Variants in AP3B1 observed in about 807,000 individuals in gnomAD.
AP3B1 encodes adaptor related protein complex 3 subunit beta 1.
In AP3B1, 61 loss-of-function variants were observed where a neutral mutation model predicts 132.5. That is an observed-to-expected ratio of 0.46 (90% CI 0.37 to 0.57). AP3B1 has a LOEUF of 0.57. Ranked by LOEUF, AP3B1 falls within the 20% of genes least tolerant of loss-of-function variation. The probability of loss-of-function intolerance (pLI) is 0.00; values close to 1 mark genes in which losing one functional copy is unlikely to be tolerated. For synonymous variants in AP3B1, 388 were observed against 438.3 expected, an observed-to-expected ratio of 0.89 and a Z score of 1.43; for missense variants, 1,120 against 1,289.4, an observed-to-expected ratio of 0.87 and a Z score of 2.01.
chr5:78,180,825 T>C (rs568967614), intron 8 of AP3B1, among the ~76,000 whole-genome samples: 2 of 151,990 alleles, frequency 1.3e-5, no homozygotes, highest in Non-Finnish European at 2.9e-5. Flanking sequence ...GTGTTGAGAA[T>C]GTGATGTTTT....
chr5:78,175,307 T>C (rs1023855279), intron 11 of AP3B1, among the ~76,000 whole-genome samples: 5 of 152,186 alleles, frequency 3.3e-5, no homozygotes, highest in African/African-American at 1.2e-4. Flanking sequence ...GTGTCAATCA[T>C]GGTGGGAGCT....
intron 14 of AP3B1, among the ~76,000 whole-genome samples, chr5:78,142,847 C>T (rs1753212376): frequency 1.3e-5 from 2 of 152,064 alleles, no homozygotes; most frequent in African/African-American, 4.8e-5. Flanking sequence ...TGTGATAAAA[C>T]TGATGCCCTT....
intron 17 of AP3B1, among the ~76,000 whole-genome samples, chr5:78,122,645 G>T (rs372895175): frequency 5.9e-5 from 9 of 152,094 alleles, no homozygotes; most frequent in South Asian, 2.1e-4. Context: ...ACAAGGGATG[G>T]GAAGGACCTC....
chr5:78,019,592 T>A (rs1238159998), intron 25 of AP3B1, among the ~76,000 whole-genome samples: 4 of 152,146 alleles, frequency 2.6e-5, no homozygotes, highest in African/African-American at 9.6e-5. Context: ...AATTTTCCTC[T>A]ATAGCAATAA....
intron 26 of AP3B1, among the ~76,000 whole-genome samples, chr5:78,013,749 A>G (rs1746718540): frequency 6.6e-6 from 1 of 152,226 alleles, no homozygotes; most frequent in Admixed American, 6.5e-5. Context: ...TCTTTTCCCT[A>G]TTGAACAACA....
intron 15 of AP3B1, among the ~76,000 whole-genome samples, chr5:78,140,796 T>C (rs760485963): frequency 3.9e-4 from 59 of 152,330 alleles, no homozygotes; most frequent in Non-Finnish European, 7.2e-4. Flanking sequence ...CCTCTTTCTG[T>C]ACAGTAAACC....
At chr5:78,232,677 G>A (rs914612059) in intron 3 of AP3B1, among the ~76,000 whole-genome samples, 2 of 152,112 alleles carry the variant, frequency 1.3e-5, no homozygotes, top group Admixed American at 1.3e-4. Flanking sequence ...GTTCACTGAA[G>A]CCTCATATAG....
intron 26 of AP3B1, among the ~76,000 whole-genome samples, chr5:78,005,504 T>C (rs1014914880): frequency 2.0e-5 from 3 of 152,188 alleles, no homozygotes; most frequent in Admixed American, 1.3e-4. Flanking sequence ...CACAAAAGTC[T>C]CAGTACTATA....
intron 25 of AP3B1, chr5:78,015,923 C>T (rs1446226682): frequency 4.6e-6 from 1 of 219,262 alleles, no homozygotes; most frequent in Non-Finnish European, 9.1e-6. Context: ...GTATTTGTTA[C>T]TATTGCTATT....
intron 26 of AP3B1, among the ~76,000 whole-genome samples, chr5:78,009,302 A>AG (rs1746518463): frequency 6.6e-6 from 1 of 151,712 alleles, no homozygotes; most frequent in Non-Finnish European, 1.5e-5. Context: ...AAAAAAAAAA[A>AG]AAAAAAAATT....
intron 24 of AP3B1, among the ~76,000 whole-genome samples, chr5:78,021,140 T>A (rs1289383948): frequency 1.3e-5 from 2 of 152,002 alleles, no homozygotes; most frequent in Non-Finnish European, 2.9e-5. Flanking sequence ...TTATCTCTAG[T>A]TTGCATACAT....
chr5:78,120,834 C>A (rs1011880601), intron 17 of AP3B1, among the ~76,000 whole-genome samples: 2 of 152,132 alleles, frequency 1.3e-5, no homozygotes, highest in Non-Finnish European at 2.9e-5. Context: ...AGCTCTGCAC[C>A]AAGCAGACCT....
intron 17 of AP3B1, among the ~76,000 whole-genome samples, chr5:78,117,056 C>G (rs1337537516): frequency 6.6e-6 from 1 of 151,992 alleles, no homozygotes. Flanking sequence ...TGCTGCTCAC[C>G]CTCTTGCCTG....
intron 7 of AP3B1, among the ~76,000 whole-genome samples, chr5:78,214,972 A>G (rs1451238225): frequency 6.6e-6 from 1 of 152,182 alleles, no homozygotes; most frequent in African/African-American, 2.4e-5. Context: ...TTGTGGATAA[A>G]GAAGTATTAA....
At chr5:78,287,281 A>T (rs1580597154) in intron 1 of AP3B1, among the ~76,000 whole-genome samples, 1 of 152,184 alleles carries the variant, frequency 6.6e-6, no homozygotes, top group East Asian at 1.9e-4. Context: ...TTTAAAAATA[A>T]CATATCCTAC....
intron 1 of AP3B1, among the ~76,000 whole-genome samples, chr5:78,276,970 A>AG (rs1275012132): frequency 1.4e-5 from 2 of 142,076 alleles, no homozygotes; most frequent in Non-Finnish European, 3.2e-5. Context: ...TCAGAATGCT[A>AG]GGAAAAAAAA....
chr5:78,182,164 G>C (rs1447626719), intron 7 of AP3B1, among the ~76,000 whole-genome samples: 2 of 152,192 alleles, frequency 1.3e-5, no homozygotes, highest in Non-Finnish European at 1.5e-5. Context: ...AAACGTCTCA[G>C]TTTGAGATTT....
chr5:78,170,117 T>C (rs1366530711), intron 11 of AP3B1, among the ~76,000 whole-genome samples: 1 of 152,222 alleles, frequency 6.6e-6, no homozygotes, highest in African/African-American at 2.4e-5. Context: ...TAGTATTCCA[T>C]GGTGTATATG....
intron 6 of AP3B1, among the ~76,000 whole-genome samples, chr5:78,223,426 A>AG (rs1369270491): frequency 6.6e-6 from 1 of 152,152 alleles, no homozygotes; most frequent in African/African-American, 2.4e-5. Context: ...AAACCACTGC[A>AG]GGGGGGTGAG....
Sources: gnomAD v4.1 joint callset for allele counts (sites outside exome capture counted in the v4.1 genomes callset) on GRCh38, gnomAD v4.1.1 for gene constraint, MANE v1.5 for transcripts, NCBI Gene and HGNC (gene_info 2026-07-23, HGNC 2026-07-21) for gene names.